Variants in WDR59 observed in about 807,000 individuals in gnomAD.
WDR59 encodes GATOR2 complex protein WDR59.
In WDR59, 100 loss-of-function variants were observed where a neutral mutation model predicts 131.2. That is an observed-to-expected ratio of 0.76 (90% CI 0.65 to 0.90). WDR59 has a LOEUF of 0.90. Among genes scored for constraint, WDR59 ranks in the 40% least tolerant of loss-of-function variants. WDR59 has a pLI of 0.00. For synonymous variants in WDR59, 601 were observed against 466.2 expected (o/e 1.29, Z -3.72); for missense variants, 1,203 against 1,262.2 (o/e 0.95, Z 0.71).
At chr16:74,895,192 T>C (rs963571036) in intron 18 of WDR59, among the ~76,000 whole-genome samples, 2 of 152,220 alleles carry the variant, frequency 1.3e-5, no homozygotes, top group African/African-American at 4.8e-5. Flanking sequence ...CTGAAGTATC[T>C]GTGAACTGTT....
At chr16:74,902,981 T>C (rs1251154062) in intron 18 of WDR59, among the ~76,000 whole-genome samples, 1 of 152,082 alleles carries the variant, frequency 6.6e-6, no homozygotes, top group Non-Finnish European at 1.5e-5. Flanking sequence ...TGGTCTGGTC[T>C]CAAACACCAG....
chr16:74,873,689 A>G lies in WDR59; in HGVS notation c.*520T>C, dbSNP rs1278618813. The G allele has an allele frequency of 6.5e-6, 1 of 153,070 alleles. No individual in the cohort carries two copies. The highest frequency in any genetic ancestry group is 2.4e-5 in the African/African-American group (1 of 41,378). The allele number at this position is 153,070 out of a possible 1,614,324, so 9.5% of individuals were successfully genotyped here. On this transcript the variant is annotated 3_prime_UTR_variant, in exon 26 of 26. Coordinates refer to ENST00000262144, the MANE Select transcript of WDR59 (RefSeq NM_030581.4). ...TCTTAAGAATCCTTAAGTACAGTGC[A>G]TATTTACAATTTAAGTGTCATATTT... is the stretch of plus-strand genomic sequence containing the variant.
chr16:74,909,659 T>G lies in WDR59; in HGVS notation c.1486-2A>C, dbSNP rs764429505. On this transcript the variant is annotated splice_acceptor_variant, in intron 15 of 25. Coordinates refer to ENST00000262144, the MANE Select transcript of WDR59 (RefSeq NM_030581.4). LOFTEE classifies it high-confidence loss of function. ...GCTGGAAGCGCTGTCTTCCTGGTTC[T>G]GAAATTTAAAAATCCACAAGCTAAA... The G allele has an allele frequency of 9.0e-6, 14 of 1,561,480 alleles. No individual in the cohort carries two copies. Among genetic ancestry groups the G allele is most frequent in the Non-Finnish European group, 1.2e-5 (14 of 1,156,472 alleles).
rs746966319 is a variant in WDR59, at chr16:74,938,170, T to C, written c.631A>G (p.Ser211Gly). The C allele has an allele frequency of 3.8e-6, 6 of 1,572,372 alleles. No individual in the cohort carries two copies. The Admixed American group carries it at 7.6e-5, about 20-fold the overall frequency. ...PDSEHILATS[S>G]QDNSVKFWDY... ...CTGACCTTCACAGAATTGTCTTGAC[T>C]GGAGGTAGCAAGAATGTGCTCGCTG... is the stretch of plus-strand genomic sequence containing the variant. Residue 211 changes from serine to glycine, a missense_variant, in exon 8 of 26, where the codon AGT (serine) becomes GGT (glycine). By Grantham distance (56) the Ser-to-Gly change is moderately conservative (BLOSUM62 0). Coordinates refer to ENST00000262144, the MANE Select transcript of WDR59 (RefSeq NM_030581.4).
Position 74,985,032 on chromosome 16 carries a change from C to A in WDR59, c.-15G>T. ...CGCGCCGCCATCTCCCCCGCCCGGC[C>A]GCCGCGGCCCCAGGACGGCGCCCTC... is the stretch of plus-strand genomic sequence containing the variant. On this transcript the variant is annotated 5_prime_UTR_variant, in exon 1 of 26. Transcript: ENST00000262144. 8 of 1,564,034 alleles carry A rather than the reference C, an allele frequency of 5.1e-6. No individual in the cohort carries two copies. The highest frequency in any genetic ancestry group is 6.9e-6 in the Non-Finnish European group (8 of 1,153,844).
chr16:74,908,977 C>T lies in WDR59; in HGVS notation c.1643G>A (p.Gly548Asp). The T allele has an allele frequency of 1.9e-6, 3 of 1,613,310 alleles. No homozygotes were observed. The highest frequency in any genetic ancestry group is 2.5e-6 in the Non-Finnish European group (3 of 1,179,824). Residue 548 changes from glycine to aspartate, a missense_variant and splice_region_variant, in exon 17 of 26, where the codon GGT becomes GAT. Transcript: ENST00000262144. ...GGGCCTTGTGAAATATACCAGGTAA[C>T]CTAAAGGAGGAGACATCACATGAGC... The part of the protein sequence containing the change: ...RTSGARFCGA[G>D]YLVYFTRPMT...
At chr16:74,973,895 C>A (rs950962077) in intron 1 of WDR59, among the ~76,000 whole-genome samples, 1 of 151,924 alleles carries the variant, frequency 6.6e-6, no homozygotes, top group African/African-American at 2.4e-5. Context: ...ATTGGCCAGG[C>A]GCAGTGGCCC....
intron 21 of WDR59, 111 bp downstream of exon 21, chr16:74,889,592 C>T: frequency 1.3e-6 from 1 of 781,520 alleles, no homozygotes; most frequent in South Asian, 1.8e-5. Context: ...CTACTCCTTC[C>T]TTTCATTCCT....
rs1255277796 is a variant in WDR59, at chr16:74,872,584, ATTTAAC to A, written c.*1619_*1624del. 1 of 151,468 alleles carries A rather than the reference ATTTAAC, an allele frequency of 6.6e-6. No homozygotes were observed. The highest frequency in any genetic ancestry group is 1.5e-5 in the Non-Finnish European group (1 of 67,890). The allele number at this position is 151,468 out of a possible 1,614,324, so 9.4% of individuals were successfully genotyped here. On this transcript the variant is annotated 3_prime_UTR_variant, in exon 26 of 26. Transcript: ENST00000262144. ...CTCTCTCTAAAAAAAAAAAAAAAAAATTTAACTTTAAAAAAGAAAATCATTCTGAAG... is the reference window on the plus strand; with the variant it reads ...CTCTCTCTAAAAAAAAAAAAAAAAAATTTAAAAAAGAAAATCATTCTGAAG...
chr16:74,978,054 T>C (rs2034258578), intron 1 of WDR59, among the ~76,000 whole-genome samples: 1 of 150,950 alleles, frequency 6.6e-6, no homozygotes. Flanking sequence ...ACAAAAAATT[T>C]TTAAAAATTA....
At chr16:74,928,155 C>A (rs2031035113) in intron 8 of WDR59, among the ~76,000 whole-genome samples, 2 of 151,282 alleles carry the variant, frequency 1.3e-5, no homozygotes, top group South Asian at 4.2e-4. Flanking sequence ...ATCCACTCAC[C>A]CCAGCCTCCC....
chr16:74,982,336 C>T (rs922714504), intron 1 of WDR59, among the ~76,000 whole-genome samples: 2 of 152,048 alleles, frequency 1.3e-5, no homozygotes, highest in Non-Finnish European at 2.9e-5. Context: ...AAAGAGGAAG[C>T]CTTGTAAATA....
intron 2 of WDR59, among the ~76,000 whole-genome samples, chr16:74,964,942 T>C (rs1303180175): frequency 1.3e-5 from 2 of 151,900 alleles, no homozygotes; most frequent in Non-Finnish European, 2.9e-5. Flanking sequence ...CACGTGCCTA[T>C]AATCCCAGCT....
intron 10 of WDR59, among the ~76,000 whole-genome samples, chr16:74,918,759 C>A (rs1254025031): frequency 1.3e-5 from 2 of 152,058 alleles, no homozygotes; most frequent in African/African-American, 4.8e-5. Context: ...TAATTTCATC[C>A]AATTTCTTAA....
At position 74,956,547 on chromosome 16, in the gene WDR59, G is replaced by GC; in HGVS notation, c.167dup (p.Gln57ProfsTer15). ...CAGCTCCAATGTCCCATTTGCTCTG[G>GC]CGAGAGATCTTTCGGTGACCTTCGA... On this transcript the variant is annotated frameshift_variant, in exon 3 of 26. Coordinates refer to ENST00000262144, the MANE Select transcript of WDR59 (RefSeq NM_030581.4). LOFTEE classifies it high-confidence loss of function. The GC allele has an allele frequency of 6.2e-7, 1 of 1,614,068 alleles. No individual in the cohort carries two copies. Among genetic ancestry groups the GC allele is most frequent in the Non-Finnish European group, 8.5e-7 (1 of 1,180,008 alleles).
chr16:74,892,652 C>G, intron 19 of WDR59, 87 bp from the exon 20 acceptor site: 1 of 1,106,982 alleles, frequency 9.0e-7, no homozygotes, highest in Non-Finnish European at 1.3e-6. Flanking sequence ...AGATGAGAAC[C>G]TGACTCTTTG....
intron 18 of WDR59, among the ~76,000 whole-genome samples, chr16:74,903,246 G>A (rs1432578157): frequency 6.6e-6 from 1 of 152,196 alleles, no homozygotes; most frequent in Non-Finnish European, 1.5e-5. Context: ...AGTGCTCAGT[G>A]GTAACTCTGT....
In WDR59 at chr16:74,886,315, C is replaced by A. The variant is rs141982165; in HGVS notation, c.2501G>T (p.Ser834Ile). The change falls in exon 24 of 26, where the codon AGT becomes ATT. Residue 834 changes from serine to isoleucine, a missense_variant. Transcript: ENST00000262144. The stretch of plus-strand genomic sequence containing the variant: ...GTCGCGTTCTCGCTCACGGGGATCA[C>A]TGTAGGTCAGACTCCCAAAGCGGAG... ...EELRFGSLTY[S>I]DPRERERDQH... 6.2e-7 allele frequency: 1 copy of A among 1,614,022 alleles called. No homozygotes were observed. The highest frequency in any genetic ancestry group is 8.5e-7 in the Non-Finnish European group (1 of 1,179,996).
chr16:74,948,431 G>C (rs2032785037), intron 6 of WDR59, 88 bp downstream of exon 6: 2 of 1,226,908 alleles, frequency 1.6e-6, no homozygotes, highest in Admixed American at 1.8e-5. Flanking sequence ...GAGATGGAAA[G>C]GAATAGGAAG....
Sources: gnomAD v4.1 joint callset for allele counts (sites outside exome capture counted in the v4.1 genomes callset) on GRCh38, gnomAD v4.1.1 for gene constraint, MANE v1.5 for transcripts, NCBI Gene and HGNC (gene_info 2026-07-23, HGNC 2026-07-21) for gene names.